UGT2A1: variants seen among roughly 807,000 people sequenced by gnomAD.
The protein encoded by UGT2A1 is UDP-glucuronosyltransferase 2A1.
Under a neutral mutation model 45.4 loss-of-function variants are expected in UGT2A1, and 61 were observed. The ratio of observed to expected loss-of-function variants is 1.34; its 90% confidence interval spans 1.09 to 1.66. The LOEUF (loss-of-function observed/expected upper bound fraction) is 1.66. Ranked by LOEUF, UGT2A1 falls within the 40% of genes most tolerant of loss-of-function variation. UGT2A1 has a pLI of 0.00. For synonymous variants in UGT2A1, 229 were observed against 196.2 expected (o/e 1.17, Z -1.40); for missense variants, 649 against 574.3 (o/e 1.13, Z -1.33).
intron 2 of UGT2A1, chr4:69,639,028 C>A (rs770118934): frequency 1.2e-6 from 2 of 1,613,358 alleles, no homozygotes. Context: ...TCTGATAAGG[C>A]TGCCGGTACA....
intron 6 of UGT2A1, among the ~76,000 whole-genome samples, chr4:69,592,902 T>C (rs1301477678): frequency 6.6e-6 from 1 of 152,078 alleles, no homozygotes; most frequent in African/African-American, 2.4e-5. Flanking sequence ...GAAAAATATA[T>C]AAAATAATTT....
intron 3 of UGT2A1, among the ~76,000 whole-genome samples, chr4:69,605,751 A>T (rs1240917094): frequency 7.3e-6 from 1 of 137,024 alleles, no homozygotes; most frequent in Non-Finnish European, 1.6e-5. Flanking sequence ...ATCACCACCG[A>T]TCCCACAGAA....
At chr4:69,597,882 T>G (rs1432316) in intron 4 of UGT2A1, among the ~76,000 whole-genome samples, 29,654 of 152,094 alleles carry the variant, frequency 0.19, 3,540 homozygotes, top group East Asian at 0.55. Context: ...GGTATTCATA[T>G]TTCCCAAAGC....
intron 3 of UGT2A1, among the ~76,000 whole-genome samples, chr4:69,625,095 T>A (rs1232201999): frequency 6.6e-6 from 1 of 151,220 alleles, no homozygotes; most frequent in African/African-American, 2.4e-5. Context: ...TTTAATTTAT[T>A]TTAGTACTTT....
At chr4:69,639,796 C>T (rs779035042) in intron 2 of UGT2A1, among the ~76,000 whole-genome samples, 12 of 151,944 alleles carry the variant, frequency 7.9e-5, no homozygotes, top group Non-Finnish European at 1.3e-4. Flanking sequence ...TTCCTATATG[C>T]ACTAACATCA....
rs535830209 is a variant in UGT2A1 at position 69,640,116 on chromosome 4, T to C, written c.716-4294A>G. Among the ~76,000 whole-genome samples the C allele has an allele frequency of 3.3e-5, 5 of 152,098 alleles. No individual in the cohort carries two copies. In the South Asian group the frequency reaches 1.0e-3, roughly 32 times the overall value. Reference sequence around the variant, plus strand: ...AGGGAATTTTTCAGTTTCTTCCATATGACACAGATCAAGAAGATATGGCCT... The same window carrying C: ...AGGGAATTTTTCAGTTTCTTCCATACGACACAGATCAAGAAGATATGGCCT... On this transcript the variant is annotated intron_variant, in intron 2 of 6. Coordinates refer to ENST00000286604, the MANE Select transcript of UGT2A1 (RefSeq NM_001252275.3).
chr4:69,632,300 G>C (rs1444375304), intron 3 of UGT2A1, among the ~76,000 whole-genome samples: 1 of 152,080 alleles, frequency 6.6e-6, no homozygotes, highest in Non-Finnish European at 1.5e-5. Context: ...CTAGGTTTTG[G>C]GGTTAATAAG....
At chr4:69,623,548 T>C (rs1249414178) in intron 3 of UGT2A1, among the ~76,000 whole-genome samples, 1 of 151,250 alleles carries the variant, frequency 6.6e-6, no homozygotes, top group Non-Finnish European at 1.5e-5. Flanking sequence ...TTTTAAAATA[T>C]AAAATAATAT....
chr4:69,644,822 T>A lies in UGT2A1; in HGVS notation c.715+2108A>T, dbSNP rs374671133. On this transcript the variant is annotated intron_variant, in intron 2 of 6. Transcript: ENST00000286604. ...TTGGTTTACCAGCTTTTGATAATAA[T>A]CATTCACATGGCTGTAGTATCTCAC... is the stretch of plus-strand genomic sequence containing the variant. Among the ~76,000 whole-genome samples the A allele has an allele frequency of 4.8e-4, 73 of 151,948 alleles. No homozygotes were observed. The South Asian group carries it at 0.015, about 31-fold the overall frequency.
intron 1 of UGT2A1, among the ~76,000 whole-genome samples, chr4:69,652,428 C>T (rs1053150127): frequency 1.3e-4 from 20 of 151,446 alleles, no homozygotes; most frequent in South Asian, 6.3e-4. Flanking sequence ...GGATTATAGG[C>T]GACCACCACC....
chr4:69,644,293 G>A (rs1342527216), intron 2 of UGT2A1, among the ~76,000 whole-genome samples: 1 of 151,570 alleles, frequency 6.6e-6, no homozygotes, highest in African/African-American at 2.4e-5. Flanking sequence ...GTAAACTAGT[G>A]GATAACTTCA....
chr4:69,643,142 A>G (rs1326352102), intron 2 of UGT2A1, among the ~76,000 whole-genome samples: 2 of 151,712 alleles, frequency 1.3e-5, no homozygotes, highest in Admixed American at 6.6e-5. Flanking sequence ...GAATCACATG[A>G]TGACCTACTC....
At chr4:69,593,937 T>C (rs1253835874) in intron 6 of UGT2A1, among the ~76,000 whole-genome samples, 2 of 151,710 alleles carry the variant, frequency 1.3e-5, no homozygotes, top group Non-Finnish European at 2.9e-5. Flanking sequence ...CATTCTTTAT[T>C]TTGAAAAATA....
Position 69,602,473 on chromosome 4 carries a change from A to G in UGT2A1, c.848-3079T>C, listed in dbSNP as rs1414355698. Among the ~76,000 whole-genome samples the G allele has an allele frequency of 2.3e-5, 3 of 128,462 alleles. 1 individual carries two copies. Among genetic ancestry groups the G allele is most frequent in the Non-Finnish European group, 3.3e-5 (2 of 60,830 alleles). 84.3% of individuals were successfully genotyped at this position (128,462 alleles called of 152,430 possible). On this transcript the variant is annotated intron_variant, in intron 3 of 6. Transcript: ENST00000286604. ...CAAAGATTTAGGAGTTTATCTATCT[A>G]TCTATCTATCTATCTATCTATCTAT... is the stretch of plus-strand genomic sequence containing the variant.
chr4:69,596,106 A>G (rs1483293863), intron 4 of UGT2A1: 5 of 1,208,922 alleles, frequency 4.1e-6, no homozygotes, highest in Non-Finnish European at 5.3e-6. Context: ...CAATTTTAAT[A>G]TATTACACAA....
At chr4:69,595,940 G>C (rs1267649077) in intron 4 of UGT2A1, among the ~76,000 whole-genome samples, 1 of 152,136 alleles carries the variant, frequency 6.6e-6, no homozygotes, top group African/African-American at 2.4e-5. Flanking sequence ...TTTGAAAGTA[G>C]TCAGTGGAGA....
At chr4:69,631,376 TTAG>T (rs1195000616) in intron 3 of UGT2A1, among the ~76,000 whole-genome samples, 1 of 152,072 alleles carries the variant, frequency 6.6e-6, no homozygotes, top group African/African-American at 2.4e-5. Flanking sequence ...ATTGTGAAAA[TTAG>T]TAATAATAAT....
chr4:69,623,318 T>C (rs1320444570), intron 3 of UGT2A1, among the ~76,000 whole-genome samples: 2 of 151,790 alleles, frequency 1.3e-5, no homozygotes, highest in African/African-American at 4.8e-5. Context: ...ACACTCTGTT[T>C]TGAGTTCCCC....
At chr4:69,649,371 T>C (rs1722416766) in intron 1 of UGT2A1, among the ~76,000 whole-genome samples, 1 of 152,122 alleles carries the variant, frequency 6.6e-6, no homozygotes, top group African/African-American at 2.4e-5. Flanking sequence ...GTCTGGTTCA[T>C]AGTGACTTGG....
Sources: allele counts gnomAD v4.1 joint callset (sites outside exome capture counted in the v4.1 genomes callset), GRCh38; gene constraint gnomAD v4.1.1; transcripts MANE v1.5; gene names NCBI Gene and HGNC (gene_info 2026-07-23, HGNC 2026-07-21).